Variants in NWD2 observed in about 807,000 individuals in gnomAD.
NWD2 encodes NACHT and WD repeat domain containing 2, also known as NACHT and WD repeat domain-containing protein 2.
In NWD2, 37 loss-of-function variants were observed where a neutral mutation model predicts 132.7. The observed-to-expected ratio is 0.28, with a 90% CI of 0.21 to 0.37. NWD2 has a LOEUF of 0.37. NWD2 is among the 10% of genes least tolerant of loss of function. NWD2 has a pLI of 1.00. For missense variants in NWD2, 1,592 were observed against 2,122.4 expected, an observed-to-expected ratio of 0.75 and a Z score of 4.91; for synonymous variants, 705 against 803.0, an observed-to-expected ratio of 0.88 and a Z score of 2.06.
rs1018935027 is a variant in NWD2, at chr4:37,418,294, T to A, written c.358-12278T>A. On this transcript the variant is annotated intron_variant, in intron 3 of 6. Transcript: ENST00000309447. ...ATCTGAATAAATATCAATGAGTCCA[T>A]ACTAATATAAACTGTTTAATAAATT... 5.4e-4 allele frequency among the ~76,000 whole-genome samples: 3 copies of A among 5,572 alleles called. No individual in the cohort carries two copies. The Non-Finnish European group carries it at 7.6e-3, about 14-fold the overall frequency. 3.7% of individuals were successfully genotyped at this position (5,572 alleles called of 152,430 possible).
chr4:37,412,643 T>C (rs1378823975), intron 3 of NWD2, among the ~76,000 whole-genome samples: 2 of 106,102 alleles, frequency 1.9e-5, no homozygotes, highest in Non-Finnish European at 3.7e-5. Flanking sequence ...TTAAACTTCA[T>C]GTGGAAACAA....
At chr4:37,304,972 C>T (rs912696402) in intron 1 of NWD2, among the ~76,000 whole-genome samples, 5 of 152,184 alleles carry the variant, frequency 3.3e-5, no homozygotes, top group African/African-American at 1.2e-4. Flanking sequence ...ATGAGGGCCC[C>T]ACTCCTGCAG....
intron 3 of NWD2, among the ~76,000 whole-genome samples, chr4:37,412,084 A>T (rs948972120): frequency 6.6e-6 from 1 of 152,214 alleles, no homozygotes; most frequent in Non-Finnish European, 1.5e-5. Flanking sequence ...CAAGACAAGG[A>T]TGCCCTCTCT....
At chr4:37,434,084 C>T in intron 5 of NWD2, 64 bp downstream of exon 5, 3 of 985,334 alleles carry the variant, frequency 3.0e-6, no homozygotes, top group Non-Finnish European at 4.3e-6. Flanking sequence ...CTACTGCTTC[C>T]CTTTAATGCC....
intron 1 of NWD2, among the ~76,000 whole-genome samples, chr4:37,300,587 A>G (rs550741005): frequency 6.6e-6 from 1 of 152,270 alleles, no homozygotes; most frequent in African/African-American, 2.4e-5. Context: ...ATTTACTTAT[A>G]TATTATTTTG....
At chr4:37,437,147 A>T (rs1174127520) in intron 5 of NWD2, among the ~76,000 whole-genome samples, 2 of 152,158 alleles carry the variant, frequency 1.3e-5, no homozygotes, top group East Asian at 1.9e-4. Context: ...TTTGCTTGAC[A>T]TTGGAGTTAT....
chr4:37,385,797 G>T (rs768562556), intron 3 of NWD2, among the ~76,000 whole-genome samples: 1 of 152,136 alleles, frequency 6.6e-6, no homozygotes, highest in Non-Finnish European at 1.5e-5. Context: ...GAAATTAACT[G>T]GGAGGAAGGA....
intron 1 of NWD2, among the ~76,000 whole-genome samples, chr4:37,269,448 T>C (rs1232043175): frequency 1.3e-5 from 2 of 151,900 alleles, no homozygotes; most frequent in Non-Finnish European, 2.9e-5. Flanking sequence ...GTTTTGACAA[T>C]GTATTCATTT....
rs74894814 is a variant in NWD2 at position 37,298,823 on chromosome 4, G to A, written c.152-27113G>A. ...TAAATTAGAAAATGTTAATCACCCC[G>A]TTATGATGATGATGAGAGTGGTAGT... On this transcript the variant is annotated intron_variant, in intron 1 of 6. Coordinates refer to ENST00000309447, the MANE Select transcript of NWD2 (RefSeq NM_001144990.2). Among the ~76,000 whole-genome samples the A allele has an allele frequency of 8.3e-3, 1,268 of 152,170 alleles. 10 individuals are homozygous for A. Among genetic ancestry groups the A allele is most frequent in the African/African-American group, 0.029 (1,208 of 41,504 alleles).
At chr4:37,310,733 T>C (rs1387335524) in intron 1 of NWD2, among the ~76,000 whole-genome samples, 1 of 150,336 alleles carries the variant, frequency 6.7e-6, no homozygotes, top group Non-Finnish European at 1.5e-5. Context: ...GCTGCACCCA[T>C]TAACTCGTCA....
Position 37,439,295 on chromosome 4 carries a change from A to G in NWD2, c.1201A>G (p.Ile401Val). ...CESLNIVHNY[I>V]LPSKAGHINP... ...ATCTCTAAACATAGTGCATAACTACATTCTTCCAAGCAAAGCTGGACACAT... is the reference window on the plus strand; with the variant it reads ...ATCTCTAAACATAGTGCATAACTACGTTCTTCCAAGCAAAGCTGGACACAT... The change falls in exon 6 of 7, where the codon ATT becomes GTT. Residue 401 changes from isoleucine (I) to valine (V), a missense_variant. Ile to Val is a conservative substitution (Grantham distance 29, BLOSUM62 3). Around this residue, in one of 7 missense-constraint regions of NWD2, gnomAD observed 1,071 missense variants for 1,398.0 expected, o/e 0.77. Coordinates refer to ENST00000309447, the MANE Select transcript of NWD2 (RefSeq NM_001144990.2). This position sits in a 1 kb window ranked among gnomAD's most constrained non-coding sequence, Gnocchi z 4.5. The G allele has an allele frequency of 2.6e-6, 4 of 1,550,956 alleles. No homozygotes were observed. The highest frequency in any genetic ancestry group is 1.2e-5 in the South Asian group (1 of 83,928).
Position 37,447,449 on chromosome 4 carries a change from C to A in NWD2, c.*232C>A. On this transcript the variant is annotated 3_prime_UTR_variant, in exon 7 of 7. Transcript: ENST00000309447. The stretch of plus-strand genomic sequence containing the variant: ...AGTAGTAATATTTAAATGGTTACTT[C>A]ATCTGAAAGGCAGAGGCTAAAAGTT... 1.9e-6 allele frequency: 1 copy of A among 539,610 alleles called. No homozygotes were observed. The highest frequency in any genetic ancestry group is 3.3e-6 in the Non-Finnish European group (1 of 303,110). The allele number at this position is 539,610 out of a possible 1,614,324, so 33.4% of individuals were successfully genotyped here. A position where few individuals can be genotyped will look rare whatever the true frequency, so the allele number is the denominator to read the frequency against.
chr4:37,357,661 T>A (rs116232390), intron 3 of NWD2, among the ~76,000 whole-genome samples: 1 of 152,240 alleles, frequency 6.6e-6, no homozygotes, highest in African/African-American at 2.4e-5. Context: ...ATTTTTTGCT[T>A]TCCCGGAGCT....
chr4:37,372,252 G>A (rs563184413), intron 3 of NWD2, among the ~76,000 whole-genome samples: 1 of 152,212 alleles, frequency 6.6e-6, no homozygotes, highest in African/African-American at 2.4e-5. Flanking sequence ...AACATAAATG[G>A]AATAATTAAG....
chr4:37,433,839 A>G (rs1443086727), intron 4 of NWD2, 37 bp from the exon 5 acceptor site: 2 of 1,466,074 alleles, frequency 1.4e-6, no homozygotes, highest in East Asian at 2.5e-5. Flanking sequence ...TTCTTTGATG[A>G]TTGTAAGACT....
chr4:37,280,699 C>T (rs1211712909), intron 1 of NWD2, among the ~76,000 whole-genome samples: 1 of 151,966 alleles, frequency 6.6e-6, no homozygotes, highest in Non-Finnish European at 1.5e-5. Flanking sequence ...TCAGCAAAGC[C>T]CTGAGAGGAA....
chr4:37,438,657 A>T, intron 5 of NWD2, 144 bp from the exon 6 acceptor site: 1 of 582,998 alleles, frequency 1.7e-6, no homozygotes, highest in African/African-American at 1.9e-5. Context: ...CAAATAGGAA[A>T]TCAAGAAATT....
At chr4:37,435,094 A>G (rs1712287925) in intron 5 of NWD2, among the ~76,000 whole-genome samples, 1 of 152,190 alleles carries the variant, frequency 6.6e-6, no homozygotes, top group Non-Finnish European at 1.5e-5. Context: ...AGGAAGCTTT[A>G]TCATTAGAAG....
At chr4:37,353,169 G>A (rs982040042) in intron 2 of NWD2, among the ~76,000 whole-genome samples, 1 of 152,202 alleles carries the variant, frequency 6.6e-6, no homozygotes, top group East Asian at 1.9e-4. Flanking sequence ...TAAGAATGTT[G>A]AATATTGGCC....
Sources: gnomAD v4.1 joint callset for allele counts (sites outside exome capture counted in the v4.1 genomes callset) on GRCh38, gnomAD v4.1.1 for gene constraint, gnomAD v4.1.1 regional missense constraint, Gnocchi (gnomAD v3.1) non-coding constraint, MANE v1.5 for transcripts, NCBI Gene and HGNC (gene_info 2026-07-23, HGNC 2026-07-21) for gene names.